Variants in CATSPERE observed in about 807,000 individuals in gnomAD.
The protein encoded by CATSPERE is catsper channel auxiliary subunit epsilon, also known as cation channel sperm-associated auxiliary subunit epsilon.
CATSPERE carries 93 observed loss-of-function variants against 114.1 expected under a neutral mutation model. The ratio of observed to expected loss-of-function variants is 0.81; its 90% CI spans 0.69 to 0.97. CATSPERE has a LOEUF of 0.97. Among genes scored for constraint, CATSPERE ranks in the 50% least tolerant of loss-of-function variants. The pLI, the probability that CATSPERE is intolerant of heterozygous loss-of-function variation, is 0.00. For missense variants in CATSPERE, 1,058 were observed against 1,131.6 expected (o/e 0.93, Z 0.93); for synonymous variants, 341 against 384.1 (o/e 0.89, Z 1.31).
chr1:244,518,776 G>T, intron 8 of CATSPERE, 78 bp downstream of exon 8: 1 of 747,362 alleles, frequency 1.3e-6, no homozygotes. Flanking sequence ...GGAACTTAAT[G>T]AAATGTGTCT....
chr1:244,603,064 G>A (rs937459444), intron 17 of CATSPERE, among the ~76,000 whole-genome samples: 3 of 152,044 alleles, frequency 2.0e-5, no homozygotes, highest in African/African-American at 7.3e-5. Context: ...GGGGCTCTGG[G>A]GACTAGGGAC....
intron 8 of CATSPERE, among the ~76,000 whole-genome samples, chr1:244,542,556 CACTT>C (rs1371110080): frequency 6.6e-6 from 1 of 152,100 alleles, no homozygotes; most frequent in Non-Finnish European, 1.5e-5. Flanking sequence ...GTTTAGCTCC[CACTT>C]ACTTATAAGT....
intron 9 of CATSPERE, among the ~76,000 whole-genome samples, chr1:244,557,532 CATATATATATATATATATATAT>C (rs61291602): frequency 0.012 from 470 of 40,642 alleles, 35 homozygotes; most frequent in South Asian, 0.044. Flanking sequence ...TTGAAATATT[CATATATATATATATATATATAT>C]ATATATATAT....
intron 20 of CATSPERE, among the ~76,000 whole-genome samples, chr1:244,623,927 T>C (rs946716089): frequency 6.6e-6 from 1 of 152,124 alleles, no homozygotes; most frequent in African/African-American, 2.4e-5. Flanking sequence ...TGCTGACTAA[T>C]TGGGGTGGTG....
chr1:244,514,568 G>T (rs746715490), intron 7 of CATSPERE, among the ~76,000 whole-genome samples: 2 of 152,114 alleles, frequency 1.3e-5, no homozygotes, highest in Non-Finnish European at 2.9e-5. Context: ...GGTGGCTCAC[G>T]CCTGTAATCC....
At chr1:244,579,362 T>G (rs1373778231) in intron 11 of CATSPERE, among the ~76,000 whole-genome samples, 1 of 152,228 alleles carries the variant, frequency 6.6e-6, no homozygotes, top group Non-Finnish European at 1.5e-5. Flanking sequence ...TTGATAAATT[T>G]TAACTTTACA....
chr1:244,494,618 GA>G (rs1322956340), intron 6 of CATSPERE, among the ~76,000 whole-genome samples: 1 of 151,516 alleles, frequency 6.6e-6, no homozygotes, highest in African/African-American at 2.4e-5. Context: ...AAAAAAGTAT[GA>G]AGGGGGTCCT....
rs1671567658 is a variant in CATSPERE at position 244,617,673 on chromosome 1, G to T, written c.2635G>T (p.Asp879Tyr). The change falls in exon 20 of 22, where the codon GAT becomes TAT. Residue 879 changes from aspartate (D) to tyrosine (Y), a missense_variant. By Grantham distance (160) the Asp-to-Tyr change is radical. Transcript: ENST00000366534. ...GMYVFRVKIL[D>Y]PNYSFCNLTA... Reference sequence around the variant, plus strand: ...GTATGTATTTCGTGTGAAGATCCTGGATCCAAACTATAGGTGAATATATGT... The same window carrying T: ...GTATGTATTTCGTGTGAAGATCCTGTATCCAAACTATAGGTGAATATATGT... 6.5e-7 allele frequency: 1 copy of T among 1,537,272 alleles called. No individual in the cohort carries two copies. Among genetic ancestry groups the T allele is most frequent in the East Asian group, 2.5e-5 (1 of 40,406 alleles).
At chr1:244,493,795 T>C (rs1672635457) in intron 6 of CATSPERE, among the ~76,000 whole-genome samples, 1 of 152,152 alleles carries the variant, frequency 6.6e-6, no homozygotes, top group African/African-American at 2.4e-5. Context: ...GTGAAGGATA[T>C]GAACAGACAC....
intron 8 of CATSPERE, among the ~76,000 whole-genome samples, chr1:244,529,695 C>T (rs1679287577): frequency 6.6e-6 from 1 of 151,782 alleles, no homozygotes; most frequent in Admixed American, 6.6e-5. Flanking sequence ...TTTTGAGTCT[C>T]ACTTTGTAGA....
At chr1:244,566,801 A>G (rs1356278228) in intron 10 of CATSPERE, among the ~76,000 whole-genome samples, 4 of 150,632 alleles carry the variant, frequency 2.7e-5, no homozygotes, top group African/African-American at 4.9e-5. Flanking sequence ...TCTTGATCCA[A>G]TTTGCCATTC....
At chr1:244,512,855 A>G (rs144401224) in intron 7 of CATSPERE, among the ~76,000 whole-genome samples, 90 of 152,314 alleles carry the variant, frequency 5.9e-4, no homozygotes, top group African/African-American at 2.0e-3. Flanking sequence ...ATCAGCATCA[A>G]TGATGTCTCT....
chr1:244,482,599 C>T, intron 5 of CATSPERE, among the ~76,000 whole-genome samples: 1 of 151,870 alleles, frequency 6.6e-6, no homozygotes, highest in East Asian at 1.9e-4. Context: ...GAGACCCCAT[C>T]TCTAGAAAAA....
At chr1:244,455,290 G>C (rs1198457480) in intron 1 of CATSPERE, among the ~76,000 whole-genome samples, 4 of 151,998 alleles carry the variant, frequency 2.6e-5, no homozygotes, top group African/African-American at 9.7e-5. Flanking sequence ...CTGATTTCCT[G>C]TCTTGAATTT....
chr1:244,510,557 T>G (rs561827584), intron 7 of CATSPERE, among the ~76,000 whole-genome samples: 1 of 152,320 alleles, frequency 6.6e-6, no homozygotes, highest in African/African-American at 2.4e-5. Context: ...ACATTTCACA[T>G]GTTGATTAAA....
At chr1:244,612,584 T>C (rs566945156) in intron 19 of CATSPERE, among the ~76,000 whole-genome samples, 2 of 152,290 alleles carry the variant, frequency 1.3e-5, no homozygotes, top group East Asian at 3.9e-4. Flanking sequence ...GATTTGAGTT[T>C]CTCGATGTGG....
At chr1:244,478,592 C>T (rs1228505261) in intron 4 of CATSPERE, among the ~76,000 whole-genome samples, 2 of 152,164 alleles carry the variant, frequency 1.3e-5, no homozygotes, top group African/African-American at 2.4e-5. Flanking sequence ...TGTGACTTCT[C>T]TTTAATTAAA....
chr1:244,581,839 A>G lies in CATSPERE; in HGVS notation c.1994A>G (p.Asp665Gly), dbSNP rs1666236832. 7.6e-7 allele frequency: 1 copy of G among 1,317,776 alleles called. No homozygotes were observed. The highest frequency in any genetic ancestry group is 1.5e-5 in the African/African-American group (1 of 68,520). The allele number at this position is 1,317,776 out of a possible 1,614,324, so 81.6% of individuals were successfully genotyped here. A position where few individuals can be genotyped will look rare whatever the true frequency, so the allele number is the denominator to read the frequency against. The change falls in exon 12 of 22, where the codon GAT (aspartate) becomes GGT (glycine). Residue 665 changes from aspartate to glycine, a missense_variant. Asp to Gly is a moderately conservative substitution (Grantham distance 94). Coordinates refer to ENST00000366534, the MANE Select transcript of CATSPERE (RefSeq NM_001130957.2). ...YQNVDYERIS[D>G]YFETQDKHTG... Reference sequence around the variant, plus strand: ...AATGTAGATTATGAGAGAATATCTGATTACTTTGAGACACAGTAAGTATAA... The same window carrying G: ...AATGTAGATTATGAGAGAATATCTGGTTACTTTGAGACACAGTAAGTATAA...
At chr1:244,522,724 A>G (rs1214491960) in intron 8 of CATSPERE, among the ~76,000 whole-genome samples, 1 of 152,244 alleles carries the variant, frequency 6.6e-6, no homozygotes, top group African/African-American at 2.4e-5. Flanking sequence ...CAAATGAACT[A>G]GAAAATCTAG....
Sources: allele counts gnomAD v4.1 joint callset (sites outside exome capture counted in the v4.1 genomes callset), GRCh38; gene constraint gnomAD v4.1.1; transcripts MANE v1.5; gene names NCBI Gene and HGNC (gene_info 2026-07-23, HGNC 2026-07-21).